Variants in DNAI4 observed in about 807,000 individuals in gnomAD.
DNAI4 encodes the protein WD repeat domain 78.
DNAI4 carries 85 observed loss-of-function variants against 105.8 expected under a neutral mutation model. The observed-to-expected ratio is 0.80, with a 90% CI of 0.67 to 0.96. DNAI4 has a LOEUF of 0.96. Among genes scored for constraint, DNAI4 ranks in the 40% least tolerant of loss-of-function variants. DNAI4 has a pLI of 0.00. For synonymous variants in DNAI4, 352 were observed against 331.5 expected (o/e 1.06, Z -0.67); for missense variants, 1,014 against 1,005.6 (o/e 1.01, Z -0.11).
intron 10 of DNAI4, among the ~76,000 whole-genome samples, chr1:66,836,220 G>GAA (rs142824961): frequency 0.14 from 12,163 of 88,594 alleles, 1,586 homozygotes; most frequent in South Asian, 0.15. Context: ...GAGAGAGAGA[G>GAA]AGAGAGAGAG....
At chr1:66,909,506 G>T in intron 1 of DNAI4, among the ~76,000 whole-genome samples, 1 of 147,788 alleles carries the variant, frequency 6.8e-6, no homozygotes. Flanking sequence ...TTTTTAACTT[G>T]GATCGTAGGA....
At chr1:66,919,088 A>T (rs1457214015) in intron 1 of DNAI4, 2 of 444,302 alleles carry the variant, frequency 4.5e-6, no homozygotes, top group Non-Finnish European at 9.1e-6. Flanking sequence ...TGTACTTCTT[A>T]CATATATTGA....
chr1:66,908,515 TCA>T (rs1238431436), intron 1 of DNAI4, among the ~76,000 whole-genome samples: 2 of 152,232 alleles, frequency 1.3e-5, no homozygotes, highest in Non-Finnish European at 2.9e-5. Context: ...CTATGCTGCT[TCA>T]CTCATTACTT....
In DNAI4 at chr1:66,890,375, T is replaced by C. The variant is rs1006861259; in HGVS notation, c.643+779A>G. 1 of 152,392 alleles carries C rather than the reference T, an allele frequency of 6.6e-6. No homozygotes were observed. The highest frequency in any genetic ancestry group is 2.4e-5 in the African/African-American group (1 of 41,292). 9.4% of individuals were successfully genotyped at this position (152,392 alleles called of 1,614,324 possible). On this transcript the variant is annotated intron_variant, in intron 4 of 16. Coordinates refer to ENST00000371026, the MANE Select transcript of DNAI4 (RefSeq NM_024763.5). The surrounding 1 kb of genome is among the most constrained non-coding windows in gnomAD (Gnocchi z 4.1). ...ACTTTGGGAGGCTGAGGCAGGCAAA[T>C]CATTTGAGGTCAGAAGTTTGAAACC...
At chr1:66,894,029 G>A (rs1169913483) in intron 2 of DNAI4, among the ~76,000 whole-genome samples, 2 of 152,116 alleles carry the variant, frequency 1.3e-5, no homozygotes, top group East Asian at 3.8e-4. Context: ...ATTATGCACA[G>A]TACATAATAT....
At chr1:66,820,995 G>T (rs1645612947) in intron 16 of DNAI4, among the ~76,000 whole-genome samples, 1 of 148,410 alleles carries the variant, frequency 6.7e-6, no homozygotes, top group Non-Finnish European at 1.5e-5. Context: ...TAATGCTATA[G>T]TTAATTTATT....
intron 6 of DNAI4, chr1:66,870,824 C>T (rs1174266967): frequency 7.1e-6 from 1 of 140,134 alleles, no homozygotes; most frequent in African/African-American, 2.7e-5. Flanking sequence ...CTACACCCTA[C>T]AGATTTTGGC....
chr1:66,883,206 A>C (rs1647118043), intron 4 of DNAI4, among the ~76,000 whole-genome samples: 1 of 88,258 alleles, frequency 1.1e-5, no homozygotes, highest in South Asian at 3.4e-4. Flanking sequence ...TTTTTTGTAG[A>C]TTCTTAGGAA....
chr1:66,911,115 C>T (rs1182003682), intron 1 of DNAI4, among the ~76,000 whole-genome samples: 1 of 152,188 alleles, frequency 6.6e-6, no homozygotes, highest in Non-Finnish European at 1.5e-5. Flanking sequence ...TGGCCTGTTT[C>T]TGAATGACCT....
intron 1 of DNAI4, among the ~76,000 whole-genome samples, chr1:66,917,739 ATTC>A (rs1241182798): frequency 6.6e-6 from 1 of 152,238 alleles, no homozygotes; most frequent in African/African-American, 2.4e-5. Flanking sequence ...ATTTGTGAGT[ATTC>A]TTAACTTATG....
chr1:66,879,731 G>A (rs1647028697), intron 4 of DNAI4, among the ~76,000 whole-genome samples: 1 of 152,164 alleles, frequency 6.6e-6, no homozygotes, highest in African/African-American at 2.4e-5. Context: ...AAATGCATAT[G>A]TAGTACTATC....
At chr1:66,826,669 C>G (rs1177472461) in intron 15 of DNAI4, 151 bp downstream of exon 15, 1 of 660,912 alleles carries the variant, frequency 1.5e-6, no homozygotes, top group East Asian at 2.7e-5. Flanking sequence ...AATATAGCAT[C>G]CTGGCATTAT....
At position 66,884,881 on chromosome 1, in the gene DNAI4, C is replaced by T. The variant is rs188745721; in HGVS notation, c.643+6273G>A. 6.4e-4 allele frequency among the ~76,000 whole-genome samples: 97 copies of T among 152,232 alleles called. 2 individuals are homozygous for T. In the South Asian group the frequency reaches 0.018, roughly 28 times the overall value. On this transcript the variant is annotated intron_variant, in intron 4 of 16. Transcript: ENST00000371026. The stretch of plus-strand genomic sequence containing the variant: ...CAAAGTACCTTGTCAGCAGCTCTGC[C>T]GGATAGCAGAGAACAGCCAGTTGTC...
chr1:66,871,504 C>T lies in DNAI4; in HGVS notation c.806G>A (p.Arg269Lys), dbSNP rs1646845205. 6.3e-7 allele frequency: 1 copy of T among 1,583,218 alleles called. No individual in the cohort carries two copies. The highest frequency in any genetic ancestry group is 8.6e-7 in the Non-Finnish European group (1 of 1,167,882). Residue 269 changes from arginine (R) to lysine (K), a missense_variant, in exon 6 of 17, where the codon AGA becomes AAA. By Grantham distance (26) the Arg-to-Lys change is conservative. Coordinates refer to ENST00000371026, the MANE Select transcript of DNAI4 (RefSeq NM_024763.5). ...ESEEAEKVTQ[R>K]NKNYEVLCRN... is the part of the protein sequence containing the mutation. The stretch of plus-strand genomic sequence containing the variant: ...ACAAAGGACTTCATAATTCTTGTTT[C>T]TCTGACTGTAAAAAATAAAGTGTAT...
intron 8 of DNAI4, among the ~76,000 whole-genome samples, chr1:66,841,214 T>C (rs928589529): frequency 6.6e-6 from 1 of 152,194 alleles, no homozygotes; most frequent in Non-Finnish European, 1.5e-5. Context: ...TGTTATCTTG[T>C]TGAAGGGAAA....
intron 1 of DNAI4, among the ~76,000 whole-genome samples, chr1:66,919,901 A>G (rs1650338106): frequency 6.6e-6 from 1 of 152,220 alleles, no homozygotes; most frequent in South Asian, 2.1e-4. Flanking sequence ...AGAGCTAATC[A>G]TAGGATTGTC....
chr1:66,884,962 A>T (rs921640912), intron 4 of DNAI4, among the ~76,000 whole-genome samples: 4 of 152,174 alleles, frequency 2.6e-5, no homozygotes, highest in Non-Finnish European at 4.4e-5. Context: ...CTTTTCTAAC[A>T]TATGCATTTG....
chr1:66,921,837 G>C (rs1319916355), intron 1 of DNAI4, among the ~76,000 whole-genome samples: 1 of 151,768 alleles, frequency 6.6e-6, no homozygotes, highest in African/African-American at 2.4e-5. Context: ...TGCCTTTTTG[G>C]AGTACTATCC....
Position 66,877,360 on chromosome 1 carries a change from C to T in DNAI4, c.644-2423G>A, listed in dbSNP as rs549553835. 2.0e-5 allele frequency among the ~76,000 whole-genome samples: 3 copies of T among 152,310 alleles called. No individual in the cohort carries two copies. In the South Asian group the frequency reaches 6.2e-4, roughly 32 times the overall value. On this transcript the variant is annotated intron_variant, in intron 4 of 16. Transcript: ENST00000371026. ...ACCACAAACTTTTCTAAGCACAAAA[C>T]TCCTTCTAGTTATATGGTAAAGCAA...
Sources: gnomAD v4.1 joint callset for allele counts (sites outside exome capture counted in the v4.1 genomes callset) on GRCh38, gnomAD v4.1.1 for gene constraint, Gnocchi (gnomAD v3.1) non-coding constraint, MANE v1.5 for transcripts, NCBI Gene and HGNC (gene_info 2026-07-23, HGNC 2026-07-21) for gene names.